Variants in PIP5K1B observed in about 807,000 individuals in gnomAD.
PIP5K1B encodes phosphatidylinositol 4-phosphate 5-kinase type-1 beta.
A neutral mutation model predicts 67.0 loss-of-function variants in PIP5K1B; 42 were observed. The observed-to-expected ratio is 0.63, with a 90% CI of 0.49 to 0.81. The LOEUF (loss-of-function observed/expected upper bound fraction) is 0.81, where lower values mean the gene tolerates loss of function less well. PIP5K1B is among the 30% of genes least tolerant of loss of function. The pLI is 0.00. For synonymous variants in PIP5K1B, 214 were observed against 231.4 expected, an observed-to-expected ratio of 0.92 and a Z score of 0.68; for missense variants, 459 against 646.3, an observed-to-expected ratio of 0.71 and a Z score of 3.14.
At chr9:68,985,529 G>A (rs1255934017) in intron 14 of PIP5K1B, among the ~76,000 whole-genome samples, 1 of 152,204 alleles carries the variant, frequency 6.6e-6, no homozygotes, top group Non-Finnish European at 1.5e-5. Flanking sequence ...TGGGATTACA[G>A]GCATGAGCCA....
intron 14 of PIP5K1B, among the ~76,000 whole-genome samples, chr9:68,972,540 G>A (rs923675356): frequency 2.0e-5 from 3 of 152,088 alleles, no homozygotes; most frequent in African/African-American, 4.8e-5. Flanking sequence ...ACTTGGGAGC[G>A]TAAGGCAGGA....
intron 15 of PIP5K1B, among the ~76,000 whole-genome samples, chr9:68,995,524 G>A (rs905733216): frequency 1.3e-5 from 2 of 152,168 alleles, no homozygotes; most frequent in Non-Finnish European, 2.9e-5. Context: ...AGCAAATGGA[G>A]GCCGGGCACA....
At chr9:68,733,625 CTCTTTTT>C (rs1303201277) in intron 1 of PIP5K1B, among the ~76,000 whole-genome samples, 11 of 114,610 alleles carry the variant, frequency 9.6e-5, no homozygotes, top group East Asian at 5.1e-4. Context: ...AATACTTAGA[CTCTTTTT>C]TTTTTTTTTT....
intron 6 of PIP5K1B, among the ~76,000 whole-genome samples, chr9:68,885,259 G>A (rs1486422161): frequency 6.6e-6 from 1 of 152,108 alleles, no homozygotes; most frequent in Non-Finnish European, 1.5e-5. Flanking sequence ...TAGAAAAATC[G>A]AACTCATTGA....
chr9:68,990,028 AAC>A (rs1564298093), intron 14 of PIP5K1B, among the ~76,000 whole-genome samples: 1 of 152,146 alleles, frequency 6.6e-6, no homozygotes, highest in Non-Finnish European at 1.5e-5. Context: ...TTCAACAGTT[AAC>A]ACTGGTTATA....
chr9:68,749,071 GAATAAT>G (rs755895527), intron 2 of PIP5K1B, among the ~76,000 whole-genome samples: 1 of 152,154 alleles, frequency 6.6e-6, no homozygotes, highest in Non-Finnish European at 1.5e-5. Flanking sequence ...GGTAAAATGA[GAATAAT>G]AATATCTACT....
intron 2 of PIP5K1B, among the ~76,000 whole-genome samples, chr9:68,744,389 G>GT (rs374348043): frequency 6.6e-5 from 10 of 152,326 alleles, no homozygotes; most frequent in African/African-American, 2.4e-4. Flanking sequence ...CATTTCCCCT[G>GT]TTTTTTGGAT....
At chr9:68,881,298 A>G (rs1183355714) in intron 6 of PIP5K1B, among the ~76,000 whole-genome samples, 2 of 152,250 alleles carry the variant, frequency 1.3e-5, no homozygotes, top group African/African-American at 4.8e-5. Context: ...GAAAGAAGTC[A>G]AACACCTTTA....
chr9:68,759,726 A>G (rs2132384289), intron 2 of PIP5K1B, among the ~76,000 whole-genome samples: 1 of 152,278 alleles, frequency 6.6e-6, no homozygotes, highest in East Asian at 1.9e-4. Flanking sequence ...TATAAACTGC[A>G]ATCCAAATAT....
At chr9:68,862,137 T>C (rs1823120238) in intron 4 of PIP5K1B, among the ~76,000 whole-genome samples, 1 of 152,172 alleles carries the variant, frequency 6.6e-6, no homozygotes, top group African/African-American at 2.4e-5. Flanking sequence ...GAAAGTAGTC[T>C]GTAGATGGAC....
intron 15 of PIP5K1B, among the ~76,000 whole-genome samples, chr9:68,992,638 G>A (rs576625039): frequency 1.3e-5 from 2 of 151,696 alleles, no homozygotes; most frequent in Non-Finnish European, 2.9e-5. Flanking sequence ...TCAGGAGTTC[G>A]AGACCAGCCT....
intron 1 of PIP5K1B, among the ~76,000 whole-genome samples, chr9:68,727,070 G>A (rs558227809): frequency 4.3e-4 from 66 of 151,862 alleles, no homozygotes; most frequent in African/African-American, 1.3e-3. Context: ...AGGTGTTGGC[G>A]AAAACAAAAA....
intron 1 of PIP5K1B, among the ~76,000 whole-genome samples, chr9:68,731,446 A>G (rs1828426612): frequency 6.6e-6 from 1 of 152,240 alleles, no homozygotes; most frequent in Non-Finnish European, 1.5e-5. Context: ...ATAAAGGAAT[A>G]TGGGTGGCAG....
At chr9:68,958,451 C>G (rs1828516589) in intron 14 of PIP5K1B, among the ~76,000 whole-genome samples, 1 of 152,150 alleles carries the variant, frequency 6.6e-6, no homozygotes, top group African/African-American at 2.4e-5. Context: ...ACCCCTCAAA[C>G]TAAAAGCCTG....
intron 4 of PIP5K1B, among the ~76,000 whole-genome samples, chr9:68,835,711 A>C (rs1282702537): frequency 6.6e-6 from 1 of 152,196 alleles, no homozygotes; most frequent in African/African-American, 2.4e-5. Context: ...CTTCTGTGGT[A>C]GTCCTTATTA....
intron 2 of PIP5K1B, chr9:68,788,999 A>C (rs959961334): frequency 2.8e-6 from 1 of 353,380 alleles, no homozygotes; most frequent in Non-Finnish European, 5.5e-6. Context: ...GGGTTCATGA[A>C]GGGAAGTGTA....
intron 13 of PIP5K1B, among the ~76,000 whole-genome samples, chr9:68,937,244 C>A (rs1827311325): frequency 6.6e-6 from 1 of 152,158 alleles, no homozygotes; most frequent in South Asian, 2.1e-4. Context: ...TGGTCCTGGA[C>A]TTTTTCTGGT....
chr9:68,721,989 C>G (rs1827910164), intron 1 of PIP5K1B, among the ~76,000 whole-genome samples: 1 of 152,134 alleles, frequency 6.6e-6, no homozygotes, highest in African/African-American at 2.4e-5. Flanking sequence ...CCTCTCTGAG[C>G]CCACTGATCC....
chr9:68,894,828 T>C (rs1824997066), intron 8 of PIP5K1B, among the ~76,000 whole-genome samples, 190 bp downstream of exon 8: 1 of 152,246 alleles, frequency 6.6e-6, no homozygotes, highest in Admixed American at 6.5e-5. Flanking sequence ...AAGGGAGTTA[T>C]CTAGAGTCCT....
Sources: allele counts gnomAD v4.1 joint callset (sites outside exome capture counted in the v4.1 genomes callset), GRCh38; gene constraint gnomAD v4.1.1; transcripts MANE v1.5; gene names NCBI Gene and HGNC (gene_info 2026-07-23, HGNC 2026-07-21).